NRXN1: variants seen among roughly 807,000 people sequenced by gnomAD.
The protein encoded by NRXN1 is neurexin-1.
A neutral mutation model predicts 150.9 loss-of-function variants in NRXN1; 39 were observed. The observed-to-expected ratio is 0.26, with a 90% confidence interval of 0.20 to 0.34. The LOEUF (loss-of-function observed/expected upper bound fraction) is 0.34. Ranked by LOEUF, NRXN1 falls within the 10% of genes least tolerant of loss-of-function variation. The pLI, the probability that NRXN1 is intolerant of heterozygous loss-of-function variation, is 1.00. For synonymous variants in NRXN1, 924 were observed against 757.0 expected, an observed-to-expected ratio of 1.22 and a Z score of -3.62; for missense variants, 1,815 against 1,949.9, an observed-to-expected ratio of 0.93 and a Z score of 1.30.
At chr2:50,817,769 A>AG (rs1669139430) in intron 5 of NRXN1, among the ~76,000 whole-genome samples, 1 of 152,110 alleles carries the variant, frequency 6.6e-6, no homozygotes, top group South Asian at 2.1e-4. Flanking sequence ...CAATAGATGC[A>AG]GGGGGTAAAA....
chr2:51,005,427 C>T (rs552240782), intron 2 of NRXN1, among the ~76,000 whole-genome samples: 2 of 152,064 alleles, frequency 1.3e-5, no homozygotes, highest in Non-Finnish European at 2.9e-5. Context: ...GTGCTGGGAA[C>T]ATTCAGTATT....
intron 17 of NRXN1, among the ~76,000 whole-genome samples, chr2:50,258,239 C>A (rs530287405): frequency 3.6e-4 from 55 of 152,142 alleles, no homozygotes; most frequent in Non-Finnish European, 7.4e-4. Context: ...ATTTTAACCA[C>A]AATAGACTTC....
At chr2:50,089,937 C>T (rs1050047784) in intron 19 of NRXN1, among the ~76,000 whole-genome samples, 3 of 152,164 alleles carry the variant, frequency 2.0e-5, no homozygotes, top group Non-Finnish European at 4.4e-5. Context: ...TCTTCCATTA[C>T]TTCACCTTAT....
chr2:50,556,845 G>T (rs551965082), intron 8 of NRXN1, among the ~76,000 whole-genome samples: 1 of 152,160 alleles, frequency 6.6e-6, no homozygotes, highest in African/African-American at 2.4e-5. Flanking sequence ...ACCTCTCTCT[G>T]TCTCAGTTTC....
chr2:50,708,412 T>C (rs181268105), intron 5 of NRXN1, among the ~76,000 whole-genome samples: 1 of 152,332 alleles, frequency 6.6e-6, no homozygotes, highest in East Asian at 1.9e-4. Flanking sequence ...TTTCTTCTTA[T>C]TGGCCAATTA....
rs190341556 is a variant in NRXN1 at position 50,427,300 on chromosome 2, T to C, written c.3364+38142A>G. Among the ~76,000 whole-genome samples, 111 of 150,514 alleles carry C rather than the reference T, an allele frequency of 7.4e-4. 1 individual carries two copies. The highest frequency in any genetic ancestry group is 1.7e-3 in the South Asian group (8 of 4,798). ...CTGGCTATCTCTTTAGGACAAATTG[T>C]CAACATGTATAATTATACAGTAGTT... On this transcript the variant is annotated intron_variant, in intron 17 of 22. Coordinates refer to ENST00000401669, the MANE Select transcript of NRXN1 (RefSeq NM_001330078.2).
chr2:50,835,889 T>C (rs1672039355), intron 5 of NRXN1, among the ~76,000 whole-genome samples: 1 of 152,166 alleles, frequency 6.6e-6, no homozygotes, highest in Non-Finnish European at 1.5e-5. Flanking sequence ...TTGCTGAGCC[T>C]CATTTTCTAA....
intron 17 of NRXN1, among the ~76,000 whole-genome samples, chr2:50,309,870 T>A (rs2075030371): frequency 6.6e-6 from 1 of 152,184 alleles, no homozygotes; most frequent in South Asian, 2.1e-4. Context: ...GTTCACAATC[T>A]TTCTTCTTCC....
At chr2:51,023,060 G>T (rs1333272922) in intron 2 of NRXN1, among the ~76,000 whole-genome samples, 1 of 152,166 alleles carries the variant, frequency 6.6e-6, no homozygotes, top group Non-Finnish European at 1.5e-5. Flanking sequence ...CCAAACCCAT[G>T]ATGACTTTAA....
intron 21 of NRXN1, among the ~76,000 whole-genome samples, chr2:49,950,990 G>C (rs944246423): frequency 2.0e-5 from 3 of 151,838 alleles, no homozygotes; most frequent in Non-Finnish European, 4.4e-5. Context: ...AATTTTCTTC[G>C]AATTTTTTTC....
At chr2:50,129,671 T>C (rs1705173055) in intron 18 of NRXN1, among the ~76,000 whole-genome samples, 1 of 152,144 alleles carries the variant, frequency 6.6e-6, no homozygotes, top group Non-Finnish European at 1.5e-5. Flanking sequence ...GCTAGACCAA[T>C]TTGGTTCCTT....
intron 2 of NRXN1, chr2:51,026,501 C>A (rs1194006736): frequency 1.4e-6 from 2 of 1,462,390 alleles, no homozygotes; most frequent in East Asian, 4.7e-5. Flanking sequence ...TTAGGTATGA[C>A]TTTTGTAGTT....
intron 8 of NRXN1, among the ~76,000 whole-genome samples, chr2:50,594,611 G>A (rs972122884): frequency 3.3e-5 from 5 of 152,296 alleles, no homozygotes; most frequent in East Asian, 1.9e-4. Flanking sequence ...CTGAAGGGAA[G>A]GACTAAGAAA....
At chr2:50,228,976 TCTCCTAAAGTAA>T (rs941185855) in intron 18 of NRXN1, among the ~76,000 whole-genome samples, 4 of 152,012 alleles carry the variant, frequency 2.6e-5, no homozygotes, top group Non-Finnish European at 5.9e-5. Context: ...TAGCACACCA[TCTCCTAAAGTAA>T]CTCCTAGAGA....
chr2:50,622,966 C>T (rs144420535), intron 6 of NRXN1, among the ~76,000 whole-genome samples: 60 of 152,214 alleles, frequency 3.9e-4, no homozygotes, highest in Admixed American at 1.1e-3. Flanking sequence ...AATGTGCATG[C>T]TTCCAAATGA....
chr2:50,233,726 T>C (rs2065171885), intron 18 of NRXN1, among the ~76,000 whole-genome samples: 1 of 152,088 alleles, frequency 6.6e-6, no homozygotes. Context: ...ATTGATAGCA[T>C]AGCACCAATT....
intron 5 of NRXN1, chr2:50,918,586 A>G (rs1024706534): frequency 2.1e-5 from 8 of 373,616 alleles, no homozygotes; most frequent in Non-Finnish European, 3.4e-5. Context: ...CATGTATAAC[A>G]TATTTTGACT....
chr2:50,553,307 A>G (rs541433091), intron 8 of NRXN1, among the ~76,000 whole-genome samples: 3 of 152,348 alleles, frequency 2.0e-5, no homozygotes, highest in African/African-American at 4.8e-5. Context: ...TAATTTAAAA[A>G]TCTGCATATA....
At chr2:49,941,374 T>A (rs1476972132) in intron 22 of NRXN1, among the ~76,000 whole-genome samples, 1 of 151,152 alleles carries the variant, frequency 6.6e-6, no homozygotes, top group African/African-American at 2.4e-5. Flanking sequence ...CCCATCCGCC[T>A]TTTCTCTCCT....
Sources: allele counts gnomAD v4.1 joint callset (sites outside exome capture counted in the v4.1 genomes callset), GRCh38; gene constraint gnomAD v4.1.1; transcripts MANE v1.5; gene names NCBI Gene and HGNC (gene_info 2026-07-23, HGNC 2026-07-21).